The following GUCY2F variants were observed in gnomAD, a reference collection of about 807,000 sequenced individuals.
The protein encoded by GUCY2F is retinal guanylyl cyclase 2.
GUCY2F carries 61 observed loss-of-function variants against 73.1 expected under a neutral mutation model. The ratio of observed to expected loss-of-function variants is 0.83; its 90% CI spans 0.68 to 1.03. GUCY2F has a LOEUF of 1.03. Ranked by LOEUF, GUCY2F falls within the 50% of genes least tolerant of loss-of-function variation. The probability of loss-of-function intolerance (pLI) is 0.00; values close to 1 mark genes in which losing one functional copy is unlikely to be tolerated. For synonymous variants in GUCY2F, 331 were observed against 307.8 expected (o/e 1.08, Z -0.79); for missense variants, 912 against 854.3 (o/e 1.07, Z -0.84).
chrX:109,386,900 G>A (rs1930449768), intron 15 of GUCY2F, among the ~76,000 whole-genome samples: 1 of 111,695 alleles, frequency 9.0e-6, no homozygotes, highest in Non-Finnish European at 1.9e-5. Flanking sequence ...TGCTGAGGGG[G>A]GTTGGAAATG....
intron 10 of GUCY2F, among the ~76,000 whole-genome samples, chrX:109,402,522 G>A (rs982755290): frequency 2.7e-5 from 3 of 110,229 alleles, no homozygotes; most frequent in Admixed American, 9.6e-5. Context: ...ATAGAAGCGC[G>A]CCACCACGCC....
At chrX:109,480,847 C>G in intron 1 of GUCY2F, among the ~76,000 whole-genome samples, 1 of 108,617 alleles carries the variant, frequency 9.2e-6, no homozygotes. Flanking sequence ...AGGATTTAGT[C>G]TTGATCCCCC....
chrX:109,395,466 G>C lies in GUCY2F; in HGVS notation c.2299C>G (p.Pro767Ala), dbSNP rs746194191. The C allele has an allele frequency of 9.5e-5, 114 of 1,199,396 alleles. No homozygotes were observed. The highest frequency in any genetic ancestry group is 1.3e-4 in the Non-Finnish European group (114 of 886,302). The change falls in exon 12 of 20, where the codon CCT becomes GCT. Residue 767 changes from proline (P) to alanine (A), a missense_variant. Pro to Ala is a conservative substitution (Grantham distance 27, BLOSUM62 -1). Coordinates refer to ENST00000218006, the MANE Select transcript of GUCY2F (RefSeq NM_001522.3). ...ACTACTGGTCTGTACACAGGAGGAG[G>C]CTTCTTAAGTCTGTTTATGATTTCT... ...AQEIINRLKK[P>A]PPVYRPVVPP...
At chrX:109,439,792 C>T (rs146816797) in intron 7 of GUCY2F, among the ~76,000 whole-genome samples, 191 of 111,800 alleles carry the variant, frequency 1.7e-3, no homozygotes, top group Non-Finnish European at 2.7e-3. Flanking sequence ...TCTAAGACTT[C>T]CTCAAAATTG....
At chrX:109,450,369 C>G (rs1364653803) in intron 5 of GUCY2F, among the ~76,000 whole-genome samples, 2 of 111,302 alleles carry the variant, frequency 1.8e-5, no homozygotes, top group African/African-American at 6.5e-5. Flanking sequence ...AAGAACCAGT[C>G]CATACAGTGG....
intron 17 of GUCY2F, 64 bp downstream of exon 17, chrX:109,382,054 C>G (rs1930325658): frequency 1.7e-6 from 1 of 606,022 alleles, no homozygotes; most frequent in Admixed American, 2.4e-5. Context: ...TTCAGCAGAC[C>G]ATGACCTCTC....
chrX:109,379,970 A>G (rs1472895646), intron 17 of GUCY2F, among the ~76,000 whole-genome samples: 1 of 111,825 alleles, frequency 8.9e-6, no homozygotes, highest in Non-Finnish European at 1.9e-5. Context: ...CAATTACTCA[A>G]CTGCCCTATG....
Position 109,388,661 on chromosome X carries a change from T to G in GUCY2F, c.2784A>C (p.Val928=). Residue 928 remains valine (V), a splice_region_variant and synonymous_variant, in exon 15 of 20, where the codon GTA becomes GTC. Transcript: ENST00000218006. The stretch of plus-strand genomic sequence containing the variant: ...CCATGTAGGCATCTCCAATGGTCTC[T>G]ACCTGGGAATTAGGAAAAATAGAAT... ...AIIGSHDVYK[V]ETIGDAYMVA... The G allele has an allele frequency of 8.6e-7, 1 of 1,165,741 alleles. No homozygotes were observed. The highest frequency in any genetic ancestry group is 1.2e-6 in the Non-Finnish European group (1 of 856,145).
intron 7 of GUCY2F, among the ~76,000 whole-genome samples, chrX:109,434,692 G>A (rs1235749250): frequency 9.1e-6 from 1 of 110,072 alleles, no homozygotes; most frequent in African/African-American, 3.4e-5. Flanking sequence ...TAGACATGAA[G>A]TCCTTGCCCA....
chrX:109,438,558 AAAC>A (rs1437170740), intron 7 of GUCY2F, among the ~76,000 whole-genome samples: 2 of 113,070 alleles, frequency 1.8e-5, no homozygotes, highest in African/African-American at 6.4e-5. Flanking sequence ...CCAACAAAAC[AAAC>A]AACATTAAGT....
intron 8 of GUCY2F, among the ~76,000 whole-genome samples, chrX:109,428,243 C>T (rs1931531792): frequency 8.9e-6 from 1 of 112,011 alleles, no homozygotes; most frequent in Non-Finnish European, 1.9e-5. Flanking sequence ...AGTTACTCTC[C>T]AGTGGAGGAA....
chrX:109,381,669 A>T (rs1315295216), intron 17 of GUCY2F, among the ~76,000 whole-genome samples: 2 of 112,424 alleles, frequency 1.8e-5, no homozygotes, highest in African/African-American at 3.2e-5. Context: ...TCTCTCTGCA[A>T]ATAGTGTGCC....
chrX:109,456,424 A>G (rs1299816738), intron 3 of GUCY2F, among the ~76,000 whole-genome samples: 1 of 111,917 alleles, frequency 8.9e-6, no homozygotes, highest in East Asian at 2.8e-4. Flanking sequence ...TGAAAGGCAC[A>G]GAGCCTTCTG....
At chrX:109,475,062 A>T in intron 2 of GUCY2F, 145 bp downstream of exon 2, 1 of 534,070 alleles carries the variant, frequency 1.9e-6, no homozygotes, top group Admixed American at 3.6e-5. Flanking sequence ...CAGTCTTGGG[A>T]CCTGTGTGTG....
At position 109,453,766 on chromosome X, in the gene GUCY2F, C is replaced by G; in HGVS notation, c.1126G>C (p.Ala376Pro). The change falls in exon 4 of 20, where the codon GCC becomes CCC. Residue 376 changes from alanine to proline, a missense_variant. Coordinates refer to ENST00000218006, the MANE Select transcript of GUCY2F (RefSeq NM_001522.3). The stretch of plus-strand genomic sequence containing the variant: ...TTTCTGGAATGCTGAACCAGGCTGG[C>G]AGCACCAGCCTGTCCATTTTCTTTC... ...AMKENGQAGA[A>P]SLVQHSRNMQ... 8.4e-7 allele frequency: 1 copy of G among 1,195,542 alleles called. No homozygotes were observed. The highest frequency in any genetic ancestry group is 1.1e-6 in the Non-Finnish European group (1 of 880,778).
rs756493253 is a variant in GUCY2F at position 109,383,015 on chromosome X, T to C, written c.3056-803A>G. Among the ~76,000 whole-genome samples, 4 of 111,620 alleles carry C rather than the reference T, an allele frequency of 3.6e-5. No individual in the cohort carries two copies. The South Asian group carries it at 1.1e-3, about 32-fold the overall frequency. On this transcript the variant is annotated intron_variant, in intron 16 of 19. Coordinates refer to ENST00000218006, the MANE Select transcript of GUCY2F (RefSeq NM_001522.3). The stretch of plus-strand genomic sequence containing the variant: ...AAAGTCCAAGGCTAGTTTTCACACA[T>C]GCTTGAGAAAATCATTTTTTTTAAA...
chrX:109,385,467 A>G (rs1930414745), intron 15 of GUCY2F, among the ~76,000 whole-genome samples, 185 bp from the exon 16 acceptor site: 1 of 112,690 alleles, frequency 8.9e-6, no homozygotes, highest in African/African-American at 3.2e-5. Context: ...AAGCAAATTT[A>G]TAACAATGCA....
intron 8 of GUCY2F, among the ~76,000 whole-genome samples, chrX:109,411,273 A>G (rs2147261751): frequency 9.3e-6 from 1 of 107,820 alleles, no homozygotes; most frequent in East Asian, 2.9e-4. Context: ...AAAAAAAAAA[A>G]ACTGTCCTAG....
chrX:109,414,228 T>C (rs1352403723), intron 8 of GUCY2F, among the ~76,000 whole-genome samples: 1 of 111,987 alleles, frequency 8.9e-6, no homozygotes, highest in Non-Finnish European at 1.9e-5. Context: ...CACCTCGGCC[T>C]CCCAAAGTGC....
Sources: gnomAD v4.1 joint callset for allele counts (sites outside exome capture counted in the v4.1 genomes callset) on GRCh38, gnomAD v4.1.1 for gene constraint, MANE v1.5 for transcripts, NCBI Gene and HGNC (gene_info 2026-07-23, HGNC 2026-07-21) for gene names.